WASF1: variants seen among roughly 807,000 people sequenced by gnomAD.
WASF1 encodes the protein actin-binding protein WASF1.
In WASF1, 7 loss-of-function variants were observed where a neutral mutation model predicts 50.5. The ratio of observed to expected loss-of-function variants is 0.14; its 90% CI spans 0.08 to 0.26. WASF1 has a LOEUF of 0.26. Among genes scored for constraint, WASF1 ranks in the 10% least tolerant of loss-of-function variants. WASF1 has a pLI of 1.00. For synonymous variants in WASF1, 205 were observed against 244.0 expected (o/e 0.84, Z 1.49); for missense variants, 470 against 694.7 (o/e 0.68, Z 3.64).
At chr6:110,121,931 A>C (rs1003144341) in intron 4 of WASF1, among the ~76,000 whole-genome samples, 21 of 152,050 alleles carry the variant, frequency 1.4e-4, no homozygotes, top group Admixed American at 3.9e-4. Flanking sequence ...AACTATCACA[A>C]GGTTGGAAAA....
intron 2 of WASF1, among the ~76,000 whole-genome samples, chr6:110,164,955 A>G (rs935299419): frequency 2.6e-5 from 4 of 151,642 alleles, no homozygotes; most frequent in African/African-American, 9.7e-5. Context: ...ATGGCTACAT[A>G]CTCTATGATT....
chr6:110,137,050 T>A (rs947788133), intron 3 of WASF1, among the ~76,000 whole-genome samples: 5 of 152,202 alleles, frequency 3.3e-5, no homozygotes, highest in African/African-American at 1.2e-4. Context: ...TTTTACAGTA[T>A]CCTTGGTGCC....
chr6:110,137,665 A>T (rs567937891), intron 3 of WASF1, among the ~76,000 whole-genome samples: 8 of 152,344 alleles, frequency 5.3e-5, no homozygotes, highest in African/African-American at 1.7e-4. Flanking sequence ...GCTGATTTTC[A>T]TTATGGATTA....
rs114850029 is a variant in WASF1 at position 110,164,666 on chromosome 6, C to G, written c.-126-3934G>C. 4.2e-3 allele frequency among the ~76,000 whole-genome samples: 632 copies of G among 151,702 alleles called. 8 individuals are homozygous for G. Among genetic ancestry groups the G allele is most frequent in the African/African-American group, 0.013 (556 of 41,484 alleles). ...AGTTTCTTATAAAATGAAACAAACT[C>G]TTACCATACAATCCAGCAAAAACAT... On this transcript the variant is annotated intron_variant, in intron 2 of 10. Coordinates refer to ENST00000392589, the MANE Select transcript of WASF1 (RefSeq NM_003931.3).
intron 3 of WASF1, among the ~76,000 whole-genome samples, chr6:110,144,971 A>G (rs1370053506): frequency 6.6e-6 from 1 of 152,116 alleles, no homozygotes; most frequent in African/African-American, 2.4e-5. Flanking sequence ...TGAACTTTAA[A>G]GTAGTTTTTT....
intron 2 of WASF1, among the ~76,000 whole-genome samples, chr6:110,178,085 TA>T (rs1777011237): frequency 6.6e-6 from 1 of 150,738 alleles, no homozygotes; most frequent in Non-Finnish European, 1.5e-5. Flanking sequence ...AAAAAGTGAA[TA>T]AAAAATAAAA....
chr6:110,167,402 C>T (rs1281850864), intron 2 of WASF1, among the ~76,000 whole-genome samples: 14 of 151,850 alleles, frequency 9.2e-5, no homozygotes, highest in Non-Finnish European at 1.5e-5. Context: ...CTTGTTACTG[C>T]CTCTGAAGAC....
intron 3 of WASF1, among the ~76,000 whole-genome samples, chr6:110,134,279 T>C (rs1323329191): frequency 6.6e-6 from 1 of 152,148 alleles, no homozygotes; most frequent in East Asian, 1.9e-4. Context: ...TACATGTGGC[T>C]TGCCGATTAT....
intron 7 of WASF1, among the ~76,000 whole-genome samples, chr6:110,106,253 C>G (rs1429816378): frequency 1.3e-5 from 2 of 152,192 alleles, no homozygotes; most frequent in African/African-American, 4.8e-5. Context: ...ATCTCAGGCA[C>G]TCTAGTTCCA....
intron 3 of WASF1, among the ~76,000 whole-genome samples, chr6:110,135,256 C>G (rs1774894603): frequency 6.6e-6 from 1 of 152,072 alleles, no homozygotes; most frequent in Non-Finnish European, 1.5e-5. Context: ...TTTATCAGTT[C>G]TAGCTTTTTG....
chr6:110,137,005 G>A (rs1774998568), intron 3 of WASF1, among the ~76,000 whole-genome samples: 1 of 152,044 alleles, frequency 6.6e-6, no homozygotes, highest in African/African-American at 2.4e-5. Flanking sequence ...ATTGATTTCT[G>A]TCTCCTTTAT....
At position 110,149,484 on chromosome 6, in the gene WASF1, TAAAAA is replaced by T. The variant is rs71729607; in HGVS notation, c.-29+11146_-29+11150del. 3.9e-5 allele frequency among the ~76,000 whole-genome samples: 4 copies of T among 103,270 alleles called. No homozygotes were observed. In the East Asian group the frequency reaches 1.1e-3, roughly 28 times the overall value. 67.7% of individuals were successfully genotyped at this position (103,270 alleles called of 152,430 possible). ...AGCATGGAAGAGGAAGACTCTGTCT[TAAAAA>T]AAAAAAAAAAAAAGGAAAGAAAGAA... On this transcript the variant is annotated intron_variant, in intron 3 of 10. Transcript: ENST00000392589.
intron 3 of WASF1, among the ~76,000 whole-genome samples, chr6:110,148,907 T>A (rs957722718): frequency 6.6e-6 from 1 of 152,182 alleles, no homozygotes; most frequent in Non-Finnish European, 1.5e-5. Flanking sequence ...ATTAATTAGA[T>A]CACCAGAAGG....
chr6:110,145,403 A>C (rs1276245884), intron 3 of WASF1, among the ~76,000 whole-genome samples: 3 of 152,180 alleles, frequency 2.0e-5, no homozygotes, highest in East Asian at 3.9e-4. Flanking sequence ...TGTCATCTGC[A>C]AACAGGGACA....
intron 9 of WASF1, 44 bp from the exon 10 acceptor site, chr6:110,102,260 G>A (rs1278925545): frequency 3.0e-6 from 4 of 1,348,654 alleles, no homozygotes; most frequent in Non-Finnish European, 3.8e-6. Context: ...AAAGAGAAAA[G>A]CCTAAAGAGA....
chr6:110,115,167 G>A (rs1335385737), intron 4 of WASF1, among the ~76,000 whole-genome samples: 1 of 150,694 alleles, frequency 6.6e-6, no homozygotes, highest in Admixed American at 6.6e-5. Flanking sequence ...AACAATATCT[G>A]CCTGAACAGA....
chr6:110,166,421 CAGTT>C (rs1346223656), intron 2 of WASF1, among the ~76,000 whole-genome samples: 1 of 151,798 alleles, frequency 6.6e-6, no homozygotes. Context: ...ACAATGAGAA[CAGTT>C]AGCTTACTCA....
At chr6:110,127,431 C>A in intron 4 of WASF1, 38 bp downstream of exon 4, 1 of 1,510,486 alleles carries the variant, frequency 6.6e-7, no homozygotes, top group Non-Finnish European at 8.9e-7. Context: ...GCATAACATT[C>A]TGGTTTGTGA....
chr6:110,102,567 AT>A (rs1211072014), intron 9 of WASF1, among the ~76,000 whole-genome samples: 1 of 152,140 alleles, frequency 6.6e-6, no homozygotes, highest in African/African-American at 2.4e-5. Flanking sequence ...TCATAATGCA[AT>A]TTTGTGGCAA....
Sources: gnomAD v4.1 joint callset for allele counts (sites outside exome capture counted in the v4.1 genomes callset) on GRCh38, gnomAD v4.1.1 for gene constraint, MANE v1.5 for transcripts, NCBI Gene and HGNC (gene_info 2026-07-23, HGNC 2026-07-21) for gene names.